The following IQGAP2 variants were observed in gnomAD, a reference collection of about 807,000 sequenced individuals.
The protein encoded by IQGAP2 is ras GTPase-activating-like protein IQGAP2.
A neutral mutation model predicts 201.3 loss-of-function variants in IQGAP2; 173 were observed. That is an observed-to-expected ratio of 0.86 (90% CI 0.76 to 0.98). The LOEUF is 0.98. IQGAP2 is among the 50% of genes least tolerant of loss of function. The pLI is 0.00. For synonymous variants in IQGAP2, 675 were observed against 673.9 expected (o/e 1.00, Z -0.03); for missense variants, 1,687 against 1,864.8 (o/e 0.90, Z 1.76).
At chr5:76,677,070 C>A in intron 27 of IQGAP2, 148 bp from the exon 28 acceptor site, 1 of 693,810 alleles carries the variant, frequency 1.4e-6, no homozygotes, top group East Asian at 2.8e-5. Flanking sequence ...CAGCCAGGAG[C>A]CAGCCTGGAA....
intron 35 of IQGAP2, among the ~76,000 whole-genome samples, chr5:76,703,436 A>T (rs1196846115): frequency 6.6e-6 from 1 of 152,156 alleles, no homozygotes; most frequent in African/African-American, 2.4e-5. Context: ...GATTACAGGC[A>T]TTAGCCACCA....
At chr5:76,671,533 AAGT>A (rs1744317213) in intron 23 of IQGAP2, among the ~76,000 whole-genome samples, 2 of 151,494 alleles carry the variant, frequency 1.3e-5, no homozygotes. Context: ...AAAATACAAA[AAGT>A]AGCCCCGGGC....
intron 3 of IQGAP2, among the ~76,000 whole-genome samples, chr5:76,565,502 T>C (rs145389147): frequency 7.7e-4 from 117 of 152,304 alleles, no homozygotes; most frequent in East Asian, 1.5e-3. Flanking sequence ...TAAGTATTTT[T>C]TCCATGGCCA....
chr5:76,496,216 T>G (rs978708896), intron 2 of IQGAP2, among the ~76,000 whole-genome samples: 11 of 152,196 alleles, frequency 7.2e-5, no homozygotes, highest in Non-Finnish European at 1.3e-4. Context: ...ATCTAATGGT[T>G]TCTTTAGCTC....
At chr5:76,695,790 C>A in intron 32 of IQGAP2, 124 bp downstream of exon 32, 1 of 641,726 alleles carries the variant, frequency 1.6e-6, no homozygotes, top group Admixed American at 2.9e-5. Flanking sequence ...GGTTACTGCC[C>A]TCTTCAATGC....
intron 2 of IQGAP2, among the ~76,000 whole-genome samples, chr5:76,490,218 T>C (rs1283117240): frequency 6.6e-6 from 1 of 152,194 alleles, no homozygotes; most frequent in Non-Finnish European, 1.5e-5. Context: ...CTTTTTTTAG[T>C]ATGCAACAAG....
intron 1 of IQGAP2, among the ~76,000 whole-genome samples, chr5:76,455,322 G>A (rs10474474): frequency 6.6e-6 from 1 of 151,552 alleles, no homozygotes; most frequent in Non-Finnish European, 1.5e-5. Context: ...GCATGGTGGC[G>A]CATGCCTGTA....
chr5:76,703,055 G>A (rs961867172), intron 35 of IQGAP2, among the ~76,000 whole-genome samples: 1 of 125,752 alleles, frequency 8.0e-6, no homozygotes, highest in African/African-American at 3.2e-5. Flanking sequence ...TTGCTCTGTC[G>A]CCCAGGCTGG....
At chr5:76,702,894 A>T (rs1263735537) in intron 35 of IQGAP2, among the ~76,000 whole-genome samples, 2 of 152,200 alleles carry the variant, frequency 1.3e-5, no homozygotes, top group Non-Finnish European at 2.9e-5. Context: ...TAAATGCTAT[A>T]AATTTTCCTT....
intron 30 of IQGAP2, among the ~76,000 whole-genome samples, chr5:76,687,007 T>C (rs1186404256): frequency 1.3e-5 from 2 of 152,226 alleles, no homozygotes; most frequent in East Asian, 3.8e-4. Context: ...ACCATATTGA[T>C]CACTGTAGCT....
At chr5:76,584,172 G>A (rs1260256987) in intron 5 of IQGAP2, among the ~76,000 whole-genome samples, 1 of 151,896 alleles carries the variant, frequency 6.6e-6, no homozygotes, top group East Asian at 1.9e-4. Flanking sequence ...GTGCCCAGCC[G>A]AGAAAAATAT....
intron 2 of IQGAP2, among the ~76,000 whole-genome samples, chr5:76,485,249 T>C (rs780443806): frequency 1.1e-4 from 17 of 152,236 alleles, no homozygotes; most frequent in Non-Finnish European, 1.9e-4. Context: ...TGGATGACCA[T>C]GCTTCTTCGG....
Position 76,638,631 on chromosome 5 carries a change from T to C in IQGAP2, c.1923+1455T>C, listed in dbSNP as rs182710213. On this transcript the variant is annotated intron_variant, in intron 16 of 35. Coordinates refer to ENST00000274364, the MANE Select transcript of IQGAP2 (RefSeq NM_006633.5). ...AAAAGTACAGCCAAAAGAGCTATTTTCAGTTTCAGTTCTAGGTCACTGAAT... is the reference window on the plus strand; with the variant it reads ...AAAAGTACAGCCAAAAGAGCTATTTCCAGTTTCAGTTCTAGGTCACTGAAT... Among the ~76,000 whole-genome samples the C allele has an allele frequency of 1.5e-3, 223 of 152,322 alleles. 2 individuals are homozygous for C. Among genetic ancestry groups the C allele is most frequent in the Non-Finnish European group, 4.1e-4 (28 of 68,018 alleles).
chr5:76,565,970 G>C (rs1744719584), intron 3 of IQGAP2, among the ~76,000 whole-genome samples: 1 of 152,038 alleles, frequency 6.6e-6, no homozygotes, highest in Admixed American at 6.6e-5. Context: ...CTTTTCTTCT[G>C]CACTTTGAGT....
intron 23 of IQGAP2, 107 bp from the exon 24 acceptor site, chr5:76,671,652 C>T (rs1744331045): frequency 4.0e-6 from 3 of 741,814 alleles, no homozygotes; most frequent in Non-Finnish European, 4.4e-6. Context: ...CACACCACTG[C>T]ACTCCAGCCT....
chr5:76,671,845 G>A lies in IQGAP2; in HGVS notation c.2930G>A (p.Gly977Glu). 6.2e-7 allele frequency: 1 copy of A among 1,614,062 alleles called. No individual in the cohort carries two copies. The highest frequency in any genetic ancestry group is 8.5e-7 in the Non-Finnish European group (1 of 1,180,012). The change falls in exon 24 of 36, where the codon GGA becomes GAA. Residue 977 changes from glycine to glutamate, a missense_variant. Gly to Glu is a moderately conservative substitution (Grantham distance 98). Transcript: ENST00000274364. Reference protein sequence around the residue: ...MVVSFNRGARGQNTLRQLLAP... With the variant: ...MVVSFNRGAREQNTLRQLLAP... The stretch of plus-strand genomic sequence containing the variant: ...GTCAGCTTCAATAGAGGTGCCCGGG[G>A]ACAGAACACCCTGCGCCAACTCCTG...
chr5:76,699,353 T>C (rs1183877171), intron 33 of IQGAP2: 1 of 152,254 alleles, frequency 6.6e-6, no homozygotes, highest in Non-Finnish European at 1.5e-5. Flanking sequence ...ACATTTTCTT[T>C]ACCTGTTCAT....
intron 1 of IQGAP2, among the ~76,000 whole-genome samples, chr5:76,411,384 T>G (rs1751107743): frequency 6.6e-6 from 1 of 152,238 alleles, no homozygotes; most frequent in Non-Finnish European, 1.5e-5. Context: ...GCTATGACTT[T>G]AAGTTTGCTT....
chr5:76,573,809 A>T (rs867452528), intron 4 of IQGAP2, among the ~76,000 whole-genome samples: 17 of 147,600 alleles, frequency 1.2e-4, no homozygotes, highest in Non-Finnish European at 2.2e-4. Flanking sequence ...TTTTTAGTAG[A>T]GGCGAGGTTT....
Sources: gnomAD v4.1 joint callset for allele counts (sites outside exome capture counted in the v4.1 genomes callset) on GRCh38, gnomAD v4.1.1 for gene constraint, MANE v1.5 for transcripts, NCBI Gene and HGNC (gene_info 2026-07-23, HGNC 2026-07-21) for gene names.